SLX4: variants seen among roughly 807,000 people sequenced by gnomAD.
SLX4 encodes the protein structure-specific endonuclease subunit SLX4.
In SLX4, 112 loss-of-function variants were observed where a neutral mutation model predicts 146.2. The observed-to-expected ratio is 0.77, with a 90% CI of 0.66 to 0.90. The LOEUF is 0.90. Ranked by LOEUF, SLX4 falls within the 40% of genes least tolerant of loss-of-function variation. The pLI is 0.00. For synonymous variants in SLX4, 1,061 were observed against 997.7 expected, an observed-to-expected ratio of 1.06 and a Z score of -1.20; for missense variants, 2,563 against 2,392.7, an observed-to-expected ratio of 1.07 and a Z score of -1.49.
chr16:3,606,962 A>C (rs1357423596), intron 2 of SLX4, among the ~76,000 whole-genome samples: 1 of 152,174 alleles, frequency 6.6e-6, no homozygotes, highest in African/African-American at 2.4e-5. Context: ...AACTGTTCTA[A>C]CGTTAGGTAG....
In SLX4 at chr16:3,583,393, C is replaced by T. The variant is rs146423772; in HGVS notation, c.4857G>A (p.Pro1619=). The change falls in exon 14 of 15, where the codon CCG becomes CCA. Residue 1619 remains proline, a synonymous_variant. Coordinates refer to ENST00000294008, the MANE Select transcript of SLX4 (RefSeq NM_032444.4). ...DSEDESQSSQ[P]LLQAPHCQTL... is the part of the protein sequence containing the mutation. The stretch of plus-strand genomic sequence containing the variant: ...TCTGGCAGTGAGGCGCCTGCAACAG[C>T]GGCTGTGAGGACTGGCTCTCGTCCT... 1.9e-5 allele frequency: 31 copies of T among 1,613,006 alleles called. No individual in the cohort carries two copies. Among genetic ancestry groups the T allele is most frequent in the African/African-American group, 9.3e-5 (7 of 74,918 alleles).
rs2040576760 is a variant in SLX4, at chr16:3,590,695, C to A, written c.2943G>T (p.Gly981=). 6.2e-7 allele frequency: 1 copy of A among 1,614,140 alleles called. No homozygotes were observed. The highest frequency in any genetic ancestry group is 8.5e-7 in the Non-Finnish European group (1 of 1,180,034). The part of the protein sequence containing the change: ...EGSLPHSDDA[G]DYEQLFSSTQ... ...TTGATGAGAAGAGCTGTTCGTAATC[C>A]CCGGCATCATCTGAGTGCGGAAGAG... The change falls in exon 12 of 15, where the codon GGG becomes GGT. Residue 981 remains glycine, a synonymous_variant. Transcript: ENST00000294008. The surrounding 1 kb of genome is among the most constrained non-coding windows in gnomAD (Gnocchi z 4.8).
chr16:3,585,097 C>T (rs1483155292), intron 12 of SLX4, among the ~76,000 whole-genome samples: 3 of 152,046 alleles, frequency 2.0e-5, no homozygotes, highest in Admixed American at 6.6e-5. Context: ...ACACGGGTGC[C>T]GGGTGAACAG....
chr16:3,601,662 C>G (rs1399661104), intron 4 of SLX4: 4 of 308,034 alleles, frequency 1.3e-5, no homozygotes, highest in Non-Finnish European at 1.3e-5. Flanking sequence ...AGGAATGAAG[C>G]CTGCTCCATG....
chr16:3,601,007 C>T lies in SLX4; in HGVS notation c.1135G>A (p.Glu379Lys), dbSNP rs1189412276. The change falls in exon 5 of 15, where the codon GAG becomes AAG. Residue 379 changes from glutamate to lysine, a missense_variant. Physicochemically the swap from Glu to Lys is moderately conservative, Grantham distance 56 (BLOSUM62 1). Transcript: ENST00000294008. ...QAVRLQTAQPEGSSSPPMFSF... is the reference protein window; with the variant it reads ...QAVRLQTAQPKGSSSPPMFSF... ...AACATGGGTGGGCTGCTGCTACCCT[C>T]AGGCTGTGCTGTCTGCAGCCGCACA... 1 of 1,613,870 alleles carries T rather than the reference C, an allele frequency of 6.2e-7. No homozygotes were observed. The highest frequency in any genetic ancestry group is 8.5e-7 in the Non-Finnish European group (1 of 1,180,034).
chr16:3,583,442 T>C lies in SLX4; in HGVS notation c.4808A>G (p.His1603Arg). The change falls in exon 14 of 15, where the codon CAC becomes CGC. Residue 1603 changes from histidine (H) to arginine (R), a missense_variant. By Grantham distance (29) the His-to-Arg change is conservative. Coordinates refer to ENST00000294008, the MANE Select transcript of SLX4 (RefSeq NM_032444.4). ...CTCGGAGTCTGAGTCCAGGGTCTGGTGAGTGTACTGGAATATCTCCTTCAG... is the reference window on the plus strand; with the variant it reads ...CTCGGAGTCTGAGTCCAGGGTCTGGCGAGTGTACTGGAATATCTCCTTCAG... ...LKLKEIFQYT[H>R]QTLDSDSEDE... The C allele has an allele frequency of 6.2e-7, 1 of 1,614,092 alleles. No individual in the cohort carries two copies. Among genetic ancestry groups the C allele is most frequent in the Non-Finnish European group, 8.5e-7 (1 of 1,180,008 alleles).
At position 3,608,698 on chromosome 16, in the gene SLX4, T is replaced by C. The variant is rs1055388524; in HGVS notation, c.267A>G (p.Lys89=). ...AASNGTQIRS[K]LKRTKQTATK... Reference sequence around the variant, plus strand: ...TAGCAGTTTGTTTGGTCCTTTTCAATTTGCTTCTTATCTGAGTGCCGTTTG... The same window carrying C: ...TAGCAGTTTGTTTGGTCCTTTTCAACTTGCTTCTTATCTGAGTGCCGTTTG... Residue 89 remains lysine, a synonymous_variant, in exon 2 of 15, where the codon AAA becomes AAG. Coordinates refer to ENST00000294008, the MANE Select transcript of SLX4 (RefSeq NM_032444.4). The C allele has an allele frequency of 3.1e-6, 5 of 1,614,120 alleles. No individual in the cohort carries two copies. The African/African-American group carries it at 6.7e-5, about 22-fold the overall frequency.
chr16:3,582,995 G>T (rs1051347849), intron 14 of SLX4, 102 bp downstream of exon 14: 46 of 1,452,380 alleles, frequency 3.2e-5, no homozygotes, highest in Admixed American at 2.2e-4. Flanking sequence ...AGGTGACGGG[G>T]GTTTTTGAAG....
rs374004875 is a variant in SLX4 at position 3,594,445 on chromosome 16, G to T, written c.2160+8C>A. ...GAAAGGAGGGCACACGGCAGCCCAC[G>T]TACTTACATACTGGATGAGGAGCGG... On this transcript the variant is annotated splice_region_variant and intron_variant, in intron 10 of 14. Coordinates refer to ENST00000294008, the MANE Select transcript of SLX4 (RefSeq NM_032444.4). 1 of 1,611,404 alleles carries T rather than the reference G, an allele frequency of 6.2e-7. No individual in the cohort carries two copies. The highest frequency in any genetic ancestry group is 8.5e-7 in the Non-Finnish European group (1 of 1,178,888).
chr16:3,592,920 G>A (rs2151127379), intron 10 of SLX4, 55 bp from the exon 11 acceptor site: 2 of 1,561,240 alleles, frequency 1.3e-6, no homozygotes, highest in South Asian at 1.2e-5. Context: ...GTAACTTGGA[G>A]CAAAGCAGAC....
In SLX4 at chr16:3,608,820, C is replaced by T. The variant is rs139757085; in HGVS notation, c.145G>A (p.Glu49Lys). 3.7e-5 allele frequency: 59 copies of T among 1,614,028 alleles called. 1 individual carries two copies. Among genetic ancestry groups the T allele is most frequent in the Admixed American group, 1.5e-4 (9 of 59,994 alleles). ...CTAGCGCAGAGTTCTTTAAAGTCCT[C>T]ATCAGACTCATCCATCATCTGACCA... ...KTGQMMDESDEDFKELCASFF... is the reference protein window; with the variant it reads ...KTGQMMDESDKDFKELCASFF... The change falls in exon 2 of 15, where the codon GAG (glutamate) becomes AAG (lysine). Residue 49 changes from glutamate to lysine, a missense_variant. Transcript: ENST00000294008.
intron 1 of SLX4, among the ~76,000 whole-genome samples, chr16:3,610,803 A>G (rs1379852825): frequency 5.9e-5 from 9 of 152,188 alleles, no homozygotes; most frequent in Non-Finnish European, 1.3e-4. Context: ...TGTTGAATTC[A>G]TGAATTGCAA....
In SLX4 at chr16:3,608,498, G is replaced by T. The variant is rs144614070; in HGVS notation, c.467C>A (p.Thr156Lys). ...SAPDPPVLRE[T>K]AQNTQTGNQQ... is the part of the protein sequence containing the mutation. ...GTTACCCGTCTGGGTGTTTTGTGCT[G>T]TTTCCCGGAGCACAGGTGGATCTGG... Residue 156 changes from threonine (T) to lysine (K), a missense_variant, in exon 2 of 15, where the codon ACA becomes AAA. By Grantham distance (78) the Thr-to-Lys change is moderately conservative (BLOSUM62 -1). Transcript: ENST00000294008. The T allele has an allele frequency of 6.1e-5, 99 of 1,614,060 alleles. No homozygotes were observed. In the African/African-American group the frequency reaches 1.1e-3, roughly 18 times the overall value.
intron 10 of SLX4, 71 bp downstream of exon 10, chr16:3,594,382 C>G: frequency 6.4e-7 from 1 of 1,559,806 alleles, no homozygotes; most frequent in Non-Finnish European, 8.7e-7. Flanking sequence ...ATGGGAAGAC[C>G]TGGTTGGAGA....
chr16:3,594,149 G>C (rs547846667), intron 10 of SLX4, among the ~76,000 whole-genome samples: 1 of 152,278 alleles, frequency 6.6e-6, no homozygotes, highest in East Asian at 1.9e-4. Context: ...TTACAGGCGT[G>C]AGCCACCGCG....
intron 8 of SLX4, 60 bp downstream of exon 8, chr16:3,596,093 C>T (rs1228315445): frequency 5.3e-5 from 81 of 1,525,172 alleles, no homozygotes; most frequent in South Asian, 2.4e-4. Context: ...CAGCCTCAGC[C>T]GCGGGGAGGG....
At chr16:3,593,464 C>G (rs2040615175) in intron 10 of SLX4, among the ~76,000 whole-genome samples, 1 of 152,222 alleles carries the variant, frequency 6.6e-6, no homozygotes, top group African/African-American at 2.4e-5. Context: ...GCGATCCTCC[C>G]ACCTTAGTCT....
intron 3 of SLX4, among the ~76,000 whole-genome samples, chr16:3,605,608 G>C (rs1217565694): frequency 6.6e-6 from 1 of 151,996 alleles, no homozygotes; most frequent in East Asian, 1.9e-4. Flanking sequence ...CTTTTTAAAA[G>C]GAAAAAACTG....
rs776707468 is a variant in SLX4, at chr16:3,592,844, C to T, written c.2182G>A (p.Ala728Thr). Residue 728 changes from alanine (A) to threonine (T), a missense_variant, in exon 11 of 15, where the codon GCT (alanine) becomes ACT (threonine). Transcript: ENST00000294008. ...IQYVNNEGFS[A>T]VEDGVLTQRV... ...TGGGTCAGAACCCCGTCCTCTACAG[C>T]GGAGAAGCCTTCATTGTTCACCTGC... is the stretch of plus-strand genomic sequence containing the variant. The T allele has an allele frequency of 2.2e-5, 36 of 1,611,210 alleles. No homozygotes were observed. Among genetic ancestry groups the T allele is most frequent in the South Asian group, 8.8e-5 (8 of 90,984 alleles).
Sources: gnomAD v4.1 joint callset for allele counts (sites outside exome capture counted in the v4.1 genomes callset) on GRCh38, gnomAD v4.1.1 for gene constraint, Gnocchi (gnomAD v3.1) non-coding constraint, MANE v1.5 for transcripts, NCBI Gene and HGNC (gene_info 2026-07-23, HGNC 2026-07-21) for gene names.